GAPVD1: variants seen among roughly 807,000 people sequenced by gnomAD.
The protein encoded by GAPVD1 is GTPase-activating protein and VPS9 domain-containing protein 1.
A neutral mutation model predicts 155.5 loss-of-function variants in GAPVD1; 35 were observed. The ratio of observed to expected loss-of-function variants is 0.23; its 90% CI spans 0.17 to 0.30. The LOEUF (loss-of-function observed/expected upper bound fraction) is 0.30, where lower values mean the gene tolerates loss of function less well. GAPVD1 is among the 10% of genes least tolerant of loss of function. GAPVD1 has a pLI of 1.00. For missense variants in GAPVD1, 1,429 were observed against 1,775.7 expected (o/e 0.80, Z 3.51); for synonymous variants, 636 against 619.7 (o/e 1.03, Z -0.39).
chr9:125,302,108 G>C lies in GAPVD1; in HGVS notation c.311G>C (p.Arg104Thr). 6.2e-7 allele frequency: 1 copy of C among 1,613,866 alleles called. No homozygotes were observed. Among genetic ancestry groups the C allele is most frequent in the East Asian group, 2.2e-5 (1 of 44,862 alleles). ...TATGGAGAATTCTTGAGTCGATTGA[G>C]GGAAAATCCTCGTCTTATTGCCTCC... ...TAYGEFLSRLRENPRLIASSL... is the reference protein window; with the variant it reads ...TAYGEFLSRLTENPRLIASSL... Residue 104 changes from arginine to threonine, a missense_variant, in exon 5 of 28, where the codon AGG becomes ACG. Transcript: ENST00000297933.
At chr9:125,283,730 A>G (rs560505089) in intron 2 of GAPVD1, among the ~76,000 whole-genome samples, 66 of 152,332 alleles carry the variant, frequency 4.3e-4, no homozygotes, top group African/African-American at 1.4e-3. Flanking sequence ...GAAATTCTCA[A>G]TAGCAAAAAC....
intron 9 of GAPVD1, among the ~76,000 whole-genome samples, chr9:125,317,625 C>CAA (rs1204830778): frequency 1.1e-3 from 62 of 55,984 alleles, no homozygotes; most frequent in African/African-American, 3.5e-3. Context: ...AACTCTGTCT[C>CAA]AAAAAAAAAA....
At chr9:125,272,308 C>G (rs1362091030) in intron 2 of GAPVD1, among the ~76,000 whole-genome samples, 3 of 152,214 alleles carry the variant, frequency 2.0e-5, no homozygotes, top group African/African-American at 7.2e-5. Flanking sequence ...AGGCGTGAAC[C>G]TCCGCGCCCA....
intron 8 of GAPVD1, 94 bp downstream of exon 8, chr9:125,307,974 A>G (rs949188555): frequency 2.3e-6 from 2 of 861,948 alleles, no homozygotes; most frequent in Non-Finnish European, 3.9e-6. Context: ...ATGTTTAAGT[A>G]CTTGGGAAAG....
intron 10 of GAPVD1, among the ~76,000 whole-genome samples, chr9:125,322,217 A>G (rs1337374473): frequency 1.3e-5 from 2 of 152,034 alleles, no homozygotes; most frequent in Admixed American, 1.3e-4. Flanking sequence ...GGCACCCGCC[A>G]CCACGCCTGG....
chr9:125,347,115 A>G (rs138926907), intron 20 of GAPVD1, 174 bp downstream of exon 20: 8,098 of 659,390 alleles, frequency 0.012, 107 homozygotes, highest in South Asian at 0.037. Context: ...GGATTCTCCC[A>G]CTAGCCCTGG....
intron 17 of GAPVD1, 72 bp downstream of exon 17, chr9:125,337,663 G>A: frequency 6.0e-6 from 8 of 1,331,116 alleles, no homozygotes. Flanking sequence ...AAATTAACAT[G>A]GAATATATAA....
At chr9:125,268,263 G>A (rs982390357) in intron 1 of GAPVD1, among the ~76,000 whole-genome samples, 1 of 144,850 alleles carries the variant, frequency 6.9e-6, no homozygotes, top group Non-Finnish European at 1.5e-5. Flanking sequence ...TCACAATGTT[G>A]TCACTTCTCA....
At chr9:125,356,361 T>C (rs1020041291) in intron 25 of GAPVD1, among the ~76,000 whole-genome samples, 3 of 152,196 alleles carry the variant, frequency 2.0e-5, no homozygotes, top group South Asian at 2.1e-4. Flanking sequence ...CTGTGCATTA[T>C]AGGATCTTTA....
intron 1 of GAPVD1, among the ~76,000 whole-genome samples, chr9:125,266,507 G>A (rs962154960): frequency 2.0e-5 from 3 of 151,922 alleles, no homozygotes; most frequent in South Asian, 2.1e-4. Flanking sequence ...TAGAGACGGG[G>A]TTTCACCATG....
intron 17 of GAPVD1, 130 bp from the exon 18 acceptor site, chr9:125,341,047 T>A (rs887881170): frequency 3.0e-6 from 2 of 667,348 alleles, no homozygotes; most frequent in African/African-American, 3.6e-5. Context: ...ATTGTGCTAC[T>A]GCACTCCAGC....
intron 17 of GAPVD1, among the ~76,000 whole-genome samples, chr9:125,340,876 C>G (rs946887815): frequency 3.3e-5 from 5 of 152,134 alleles, no homozygotes; most frequent in African/African-American, 7.2e-5. Context: ...TTACTTAAAT[C>G]CTTTTTAGCC....
chr9:125,353,803 C>T (rs571372826), intron 23 of GAPVD1, among the ~76,000 whole-genome samples: 99 of 152,250 alleles, frequency 6.5e-4, no homozygotes, highest in Non-Finnish European at 1.2e-3. Context: ...GATTCAATTC[C>T]CTCCCACAAC....
chr9:125,277,549 A>T (rs995561521), intron 2 of GAPVD1, among the ~76,000 whole-genome samples: 3 of 152,198 alleles, frequency 2.0e-5, no homozygotes, highest in African/African-American at 7.2e-5. Flanking sequence ...TCCCTAAGGT[A>T]ATATGCCCTC....
chr9:125,326,697 A>T (rs7046418), intron 12 of GAPVD1, 108 bp downstream of exon 12: 1 of 755,468 alleles, frequency 1.3e-6, no homozygotes. Flanking sequence ...GTGTGTTAGC[A>T]CCATCTGGGA....
At chr9:125,334,981 A>G (rs1456835002) in intron 15 of GAPVD1, among the ~76,000 whole-genome samples, 1 of 152,180 alleles carries the variant, frequency 6.6e-6, no homozygotes, top group African/African-American at 2.4e-5. Context: ...ATTGGTGGTG[A>G]TATGAAAAAT....
chr9:125,311,900 A>C (rs1482268273), intron 8 of GAPVD1, among the ~76,000 whole-genome samples: 1 of 151,814 alleles, frequency 6.6e-6, no homozygotes, highest in African/African-American at 2.4e-5. Context: ...TTTGTATTTT[A>C]GTAGAGATGG....
At chr9:125,361,111 C>G (rs756307224) in intron 27 of GAPVD1, among the ~76,000 whole-genome samples, 3 of 152,074 alleles carry the variant, frequency 2.0e-5, no homozygotes, top group Non-Finnish European at 4.4e-5. Flanking sequence ...TCAAGTGATT[C>G]GCCCGCCTCA....
intron 26 of GAPVD1, 44 bp downstream of exon 26, chr9:125,359,536 G>T: frequency 1.1e-6 from 1 of 928,806 alleles, no homozygotes; most frequent in East Asian, 2.4e-5. Flanking sequence ...ACTAAATGCT[G>T]CGTGTTATTA....
Sources: allele counts gnomAD v4.1 joint callset (sites outside exome capture counted in the v4.1 genomes callset), GRCh38; gene constraint gnomAD v4.1.1; transcripts MANE v1.5; gene names NCBI Gene and HGNC (gene_info 2026-07-23, HGNC 2026-07-21).